The following PPARGC1A variants were observed in gnomAD, a reference collection of about 807,000 sequenced individuals.
The protein encoded by PPARGC1A is PPARG coactivator 1 alpha, also known as peroxisome proliferator-activated receptor gamma coactivator 1-alpha.
PPARGC1A carries 25 observed loss-of-function variants against 88.7 expected under a neutral mutation model. The observed-to-expected ratio is 0.28, with a 90% confidence interval of 0.21 to 0.39. The LOEUF is 0.39. Ranked by LOEUF, PPARGC1A falls within the 10% of genes least tolerant of loss-of-function variation. The pLI is 1.00. For synonymous variants in PPARGC1A, 363 were observed against 355.6 expected, an observed-to-expected ratio of 1.02 and a Z score of -0.24; for missense variants, 880 against 968.7, an observed-to-expected ratio of 0.91 and a Z score of 1.22.
chr4:24,074,247 G>A, the PPARGC1A span, among the ~76,000 whole-genome samples: 8 of 152,172 alleles, frequency 5.3e-5, no homozygotes, highest in East Asian at 3.9e-4. Flanking sequence ...GACACCCTAC[G>A]GAGAACCAAT....
At chr4:24,321,630 A>T in the PPARGC1A span, among the ~76,000 whole-genome samples, 1 of 152,236 alleles carries the variant, frequency 6.6e-6, no homozygotes, top group Admixed American at 6.5e-5. Flanking sequence ...ACGGATGGAT[A>T]AGGCAATATT....
At chr4:24,002,093 CACACAG>C in the PPARGC1A span, among the ~76,000 whole-genome samples, 196 of 135,756 alleles carry the variant, frequency 1.4e-3, no homozygotes, top group South Asian at 5.7e-3. Context: ...CACACACACA[CACACAG>C]AGAGAGAGAG....
At chr4:24,395,720 G>A in the PPARGC1A span, among the ~76,000 whole-genome samples, 1 of 152,166 alleles carries the variant, frequency 6.6e-6, no homozygotes. Context: ...AAGCCAGGGA[G>A]TTAAGACAGG....
the PPARGC1A span, among the ~76,000 whole-genome samples, chr4:24,463,564 C>T: frequency 6.6e-6 from 1 of 152,188 alleles, no homozygotes; most frequent in Non-Finnish European, 1.5e-5. Flanking sequence ...TAAAGTGACA[C>T]ATGTGTTGGT....
At chr4:24,319,975 C>A in the PPARGC1A span, among the ~76,000 whole-genome samples, 1 of 152,122 alleles carries the variant, frequency 6.6e-6, no homozygotes, top group African/African-American at 2.4e-5. Flanking sequence ...TCATACTAGA[C>A]ACAGGTGTGC....
the PPARGC1A span, among the ~76,000 whole-genome samples, chr4:24,454,275 T>C: frequency 4.0e-5 from 6 of 151,462 alleles, no homozygotes; most frequent in Admixed American, 1.3e-4. Flanking sequence ...TGTGCACTTA[T>C]ACATGGTTGC....
At chr4:24,147,796 A>T in the PPARGC1A span, among the ~76,000 whole-genome samples, 5 of 152,074 alleles carry the variant, frequency 3.3e-5, no homozygotes, top group African/African-American at 9.7e-5. Flanking sequence ...AAATACAAAA[A>T]AGTAGCCGGA....
the PPARGC1A span, among the ~76,000 whole-genome samples, chr4:23,971,942 T>A: frequency 2.0e-5 from 3 of 151,836 alleles, no homozygotes; most frequent in South Asian, 2.1e-4. Context: ...ATACATATAT[T>A]TTTTTTTCCA....
At chr4:24,170,934 C>A in the PPARGC1A span, among the ~76,000 whole-genome samples, 1 of 152,116 alleles carries the variant, frequency 6.6e-6, no homozygotes, top group Admixed American at 6.5e-5. Flanking sequence ...TCTGCTCCAA[C>A]CATCTGACCC....
At chr4:24,267,819 G>A in the PPARGC1A span, among the ~76,000 whole-genome samples, 9 of 151,850 alleles carry the variant, frequency 5.9e-5, no homozygotes, top group African/African-American at 2.2e-4. Flanking sequence ...GCTAATCAAC[G>A]TGTCATTTTT....
chr4:24,222,729 A>C, the PPARGC1A span, among the ~76,000 whole-genome samples: 34 of 152,196 alleles, frequency 2.2e-4, no homozygotes, highest in Non-Finnish European at 3.7e-4. Flanking sequence ...AATTCTATTA[A>C]TTGAATCTCC....
the PPARGC1A span, among the ~76,000 whole-genome samples, chr4:24,271,058 T>C: frequency 6.6e-6 from 1 of 152,216 alleles, no homozygotes; most frequent in Non-Finnish European, 1.5e-5. Flanking sequence ...TGCCTTATAT[T>C]TCAAATTGGT....
At chr4:24,088,472 G>A in the PPARGC1A span, among the ~76,000 whole-genome samples, 2 of 152,184 alleles carry the variant, frequency 1.3e-5, no homozygotes, top group Admixed American at 1.3e-4. Context: ...CTTGTCATAA[G>A]GCGGGTACAG....
chr4:24,183,135 A>G, the PPARGC1A span, among the ~76,000 whole-genome samples: 1 of 152,338 alleles, frequency 6.6e-6, no homozygotes, highest in East Asian at 1.9e-4. Context: ...TTTGAGGTAA[A>G]GCAGTTATCA....
chr4:23,928,408 G>A, the PPARGC1A span, among the ~76,000 whole-genome samples: 26 of 152,208 alleles, frequency 1.7e-4, no homozygotes, highest in South Asian at 1.2e-3. Flanking sequence ...ACCATCTCAC[G>A]CCAGTCAGAG....
chr4:24,464,907 A>G, the PPARGC1A span, among the ~76,000 whole-genome samples: 1 of 152,206 alleles, frequency 6.6e-6, no homozygotes, highest in Non-Finnish European at 1.5e-5. Context: ...CTCCCCCAGT[A>G]GCAAGCTTCC....
At chr4:23,992,581 G>A in the PPARGC1A span, among the ~76,000 whole-genome samples, 4 of 152,026 alleles carry the variant, frequency 2.6e-5, no homozygotes, top group East Asian at 7.8e-4. Flanking sequence ...TTGACACCAG[G>A]GCCCATCTTT....
chr4:24,077,480 T>A, the PPARGC1A span, among the ~76,000 whole-genome samples: 1 of 152,108 alleles, frequency 6.6e-6, no homozygotes, highest in Admixed American at 6.6e-5. Flanking sequence ...AATATAATTA[T>A]CTATCCTCTC....
chr4:23,997,260 T>G, the PPARGC1A span, among the ~76,000 whole-genome samples: 1 of 152,054 alleles, frequency 6.6e-6, no homozygotes, highest in Admixed American at 6.6e-5. Context: ...ACACATGATT[T>G]GGAAAAAAAG....
Sources: gnomAD v4.1 joint callset for allele counts (sites outside exome capture counted in the v4.1 genomes callset) on GRCh38, gnomAD v4.1.1 for gene constraint, MANE v1.5 for transcripts, NCBI Gene and HGNC (gene_info 2026-07-23, HGNC 2026-07-21) for gene names.